LMF1: variants seen among roughly 807,000 people sequenced by gnomAD.
LMF1 encodes the protein lipase maturation factor 1, also known as transmembrane protein 112.
In LMF1, 68 loss-of-function variants were observed where a neutral mutation model predicts 60.6. That is an observed-to-expected ratio of 1.12 (90% CI 0.92 to 1.37). The LOEUF is 1.37. Among genes scored for constraint, LMF1 ranks in the 40% most tolerant of loss-of-function variants. The pLI, the probability that LMF1 is intolerant of heterozygous loss-of-function variation, is 0.00. For missense variants in LMF1, 948 were observed against 767.2 expected (o/e 1.24, Z -2.78); for synonymous variants, 418 against 324.7 (o/e 1.29, Z -3.09).
At chr16:894,686 C>T (rs1381582207) in intron 4 of LMF1, among the ~76,000 whole-genome samples, 1 of 152,220 alleles carries the variant, frequency 6.6e-6, no homozygotes, top group African/African-American at 2.4e-5. Context: ...GGCTCTGGGG[C>T]AGCCGCACTG....
At chr16:912,847 T>G (rs2071159788) in intron 3 of LMF1, among the ~76,000 whole-genome samples, 1 of 152,250 alleles carries the variant, frequency 6.6e-6, no homozygotes, top group African/African-American at 2.4e-5. Context: ...GCCATTGTTC[T>G]CCGCCTCAGC....
intron 2 of LMF1, among the ~76,000 whole-genome samples, chr16:940,042 G>C (rs1422378235): frequency 6.6e-6 from 1 of 152,186 alleles, no homozygotes; most frequent in Non-Finnish European, 1.5e-5. Flanking sequence ...CCCTGAGACA[G>C]ACCAAAGGGG....
At chr16:884,105 G>C (rs776714232) in intron 5 of LMF1, 1 of 152,154 alleles carries the variant, frequency 6.6e-6, no homozygotes, top group African/African-American at 2.4e-5. Flanking sequence ...CTGTGAAATG[G>C]CCTCTTTACT....
At chr16:856,275 A>C (rs1025373732) in intron 10 of LMF1, among the ~76,000 whole-genome samples, 5 of 152,088 alleles carry the variant, frequency 3.3e-5, no homozygotes, top group African/African-American at 1.2e-4. Flanking sequence ...AGCGGCCAGC[A>C]TGGGGACTGA....
upstream of LMF1, among the ~76,000 whole-genome samples, chr16:975,322 ATTT>A (rs761547970): frequency 6.8e-6 from 1 of 148,032 alleles, no homozygotes; most frequent in African/African-American, 2.5e-5. Context: ...CGAATGTGTA[ATTT>A]TTTTTTTTTC....
upstream of LMF1, among the ~76,000 whole-genome samples, chr16:971,182 C>G (rs542701641): frequency 6.6e-6 from 1 of 152,342 alleles, no homozygotes; most frequent in African/African-American, 2.4e-5. Context: ...CGGAGCCTGC[C>G]TCCTTCGCAG....
chr16:856,265 A>C (rs1161725002), intron 10 of LMF1, among the ~76,000 whole-genome samples: 1 of 152,114 alleles, frequency 6.6e-6, no homozygotes, highest in Non-Finnish European at 1.5e-5. Flanking sequence ...TAAGGACGGC[A>C]GCGGCCAGCA....
chr16:857,040 G>A (rs540345585), intron 10 of LMF1, among the ~76,000 whole-genome samples: 81 of 152,370 alleles, frequency 5.3e-4, no homozygotes, highest in Non-Finnish European at 1.0e-3. Context: ...GCACGTACCC[G>A]CGGGGCAGGC....
At chr16:967,890 C>T (rs957258178) in intron 1 of LMF1, among the ~76,000 whole-genome samples, 10 of 152,196 alleles carry the variant, frequency 6.6e-5, no homozygotes, top group African/African-American at 1.9e-4. Context: ...AGGTCAGCAC[C>T]GGGCAGGGTG....
At chr16:870,933 C>T in intron 7 of LMF1, 51 bp from the exon 8 acceptor site, 2 of 1,547,422 alleles carry the variant, frequency 1.3e-6, no homozygotes, top group Non-Finnish European at 1.7e-6. Context: ...GCCCCGTGGC[C>T]TGTCCCTGGG....
At chr16:974,873 C>T (rs1411329777), upstream of LMF1, among the ~76,000 whole-genome samples, 1 of 152,252 alleles carries the variant, frequency 6.6e-6, no homozygotes, top group East Asian at 1.9e-4. Flanking sequence ...GATAATCGTG[C>T]ACCCTTCATT....
At chr16:912,437 G>C (rs1003172937) in intron 3 of LMF1, among the ~76,000 whole-genome samples, 1 of 152,204 alleles carries the variant, frequency 6.6e-6, no homozygotes, top group South Asian at 2.1e-4. Context: ...CCCGTGAAGA[G>C]GCTGCTACAG....
chr16:879,500 G>A (rs1462988864), intron 6 of LMF1, 70 bp downstream of exon 6: 10 of 1,554,248 alleles, frequency 6.4e-6, no homozygotes, highest in Non-Finnish European at 8.7e-6. Context: ...CAGAGAGCGG[G>A]GCAGCCAGAA....
At chr16:880,351 G>A (rs556634125) in intron 5 of LMF1, among the ~76,000 whole-genome samples, 3 of 141,670 alleles carry the variant, frequency 2.1e-5, no homozygotes, top group Non-Finnish European at 4.4e-5. Flanking sequence ...CAGGAGGAAG[G>A]GTGGGAACTT....
intron 10 of LMF1, among the ~76,000 whole-genome samples, chr16:858,969 G>A (rs1476960207): frequency 1.2e-5 from 1 of 85,222 alleles, no homozygotes; most frequent in Non-Finnish European, 2.1e-5. Context: ...GTGTGCAGTG[G>A]TGTCACGGGA....
chr16:954,131 TAAGG>T, intron 2 of LMF1: 1 of 666,750 alleles, frequency 1.5e-6, no homozygotes. Flanking sequence ...GTCCTTTAAG[TAAGG>T]AAGAGCTACT....
At chr16:859,110 A>G (rs375593713) in intron 10 of LMF1, among the ~76,000 whole-genome samples, 81 of 77,202 alleles carry the variant, frequency 1.0e-3, no homozygotes, top group East Asian at 1.7e-3. Context: ...GTGTGCAGTG[A>G]TGTCTCGGGA....
Position 870,803 on chromosome 16 carries a change from CAA to C in LMF1, c.1156_1157del (p.Leu386AlafsTer61). The part of the protein sequence containing the change: ...AWLSVPVVLN[L>X]LSSRQVMNTH... ...TGTTCATGACCTGCCTGGAGCTCAG[CAA>C]GTTGAGGACCACGGGCACGCTGAGC... On this transcript the variant is annotated frameshift_variant, in exon 8 of 11. Coordinates refer to ENST00000262301, the MANE Select transcript of LMF1 (RefSeq NM_022773.4). LOFTEE classifies it high-confidence loss of function. 6.2e-7 allele frequency: 1 copy of C among 1,612,802 alleles called. No individual in the cohort carries two copies. Among genetic ancestry groups the C allele is most frequent in the Non-Finnish European group, 8.5e-7 (1 of 1,179,740 alleles).
At chr16:881,234 C>A (rs1443862499) in intron 5 of LMF1, among the ~76,000 whole-genome samples, 1 of 152,122 alleles carries the variant, frequency 6.6e-6, no homozygotes, top group Non-Finnish European at 1.5e-5. Context: ...CCAGTGCACC[C>A]CAAGAGCCGT....
Sources: allele counts gnomAD v4.1 joint callset (sites outside exome capture counted in the v4.1 genomes callset), GRCh38; gene constraint gnomAD v4.1.1; transcripts MANE v1.5; gene names NCBI Gene and HGNC (gene_info 2026-07-23, HGNC 2026-07-21).